Variants in AGAP1 observed in about 807,000 individuals in gnomAD.
The protein encoded by AGAP1 is ArfGAP with GTPase domain, ankyrin repeat and PH domain 1.
Under a neutral mutation model 105.3 loss-of-function variants are expected in AGAP1, and 29 were observed. That is an observed-to-expected ratio of 0.28 (90% CI 0.21 to 0.38). The LOEUF is 0.38. Among genes scored for constraint, AGAP1 ranks in the 10% least tolerant of loss-of-function variants. The pLI is 1.00. For missense variants in AGAP1, 998 were observed against 1,165.1 expected (o/e 0.86, Z 2.09); for synonymous variants, 509 against 485.9 (o/e 1.05, Z -0.63).
rs560583306 is a variant in AGAP1, at chr2:235,640,306, T to C, written c.164-68873T>C. ...TTTACCCTGCAGTTAAAAGAGAAAA[T>C]GATCTCTACTGGCTATATGGCCTCA... On this transcript the variant is annotated intron_variant, in intron 1 of 17. Transcript: ENST00000304032. 7.9e-5 allele frequency among the ~76,000 whole-genome samples: 12 copies of C among 152,332 alleles called. No individual in the cohort carries two copies. In the East Asian group the frequency reaches 9.7e-4, roughly 12 times the overall value.
rs1351564426 is a variant in AGAP1, at chr2:235,625,609, G to A, written c.164-83570G>A. 6.6e-6 allele frequency among the ~76,000 whole-genome samples: 1 copy of A among 152,160 alleles called. No homozygotes were observed. The highest frequency in any genetic ancestry group is 1.5e-5 in the Non-Finnish European group (1 of 68,022). ...TCAGCTTAAAAGGTGGGGTTAATAG[G>A]GAACAACATAAATGAGGGCAGGTGT... is the stretch of plus-strand genomic sequence containing the variant. On this transcript the variant is annotated intron_variant, in intron 1 of 17. Transcript: ENST00000304032. This position sits in a 1 kb window ranked among gnomAD's most constrained non-coding sequence, Gnocchi z 4.0.
intron 6 of AGAP1, among the ~76,000 whole-genome samples, chr2:235,785,683 A>G (rs1300549608): frequency 6.6e-6 from 1 of 152,160 alleles, no homozygotes; most frequent in East Asian, 1.9e-4. Context: ...TTTAGCTGGA[A>G]TAATTTGGCA....
chr2:235,704,901 C>G (rs1332052688), intron 1 of AGAP1, among the ~76,000 whole-genome samples: 1 of 151,058 alleles, frequency 6.6e-6, no homozygotes, highest in Non-Finnish European at 1.5e-5. Flanking sequence ...GAGCCCGGCA[C>G]CTGTCTAGTT....
At position 235,659,470 on chromosome 2, in the gene AGAP1, G is replaced by A. The variant is rs996903381; in HGVS notation, c.164-49709G>A. ...ACCTTTTTCAAAATTTCCAACAACT[G>A]TGGCTTCTTGGGAAATCCTTTGGCA... is the stretch of plus-strand genomic sequence containing the variant. On this transcript the variant is annotated intron_variant, in intron 1 of 17. Coordinates refer to ENST00000304032, the MANE Select transcript of AGAP1 (RefSeq NM_001037131.3). The surrounding 1 kb of genome is among the most constrained non-coding windows in gnomAD (Gnocchi z 5.0). Among the ~76,000 whole-genome samples, 1 of 152,194 alleles carries A rather than the reference G, an allele frequency of 6.6e-6. No homozygotes were observed. Among genetic ancestry groups the A allele is most frequent in the African/African-American group, 2.4e-5 (1 of 41,444 alleles).
Position 235,965,655 on chromosome 2 carries a change from A to T in AGAP1, c.1484-2807A>T, listed in dbSNP as rs141728768. ...TACCACGTGCCTCAGCGGATTGCTT[A>T]AGAGTCCTGAACGCATTGCTGAAGG... On this transcript the variant is annotated intron_variant, in intron 12 of 17. Coordinates refer to ENST00000304032, the MANE Select transcript of AGAP1 (RefSeq NM_001037131.3). This position sits in a 1 kb window ranked among gnomAD's most constrained non-coding sequence, Gnocchi z 5.8. Among the ~76,000 whole-genome samples, 1 of 152,150 alleles carries T rather than the reference A, an allele frequency of 6.6e-6. No homozygotes were observed.
At chr2:235,542,220 G>GC (rs145058571) in intron 1 of AGAP1, among the ~76,000 whole-genome samples, 7 of 151,524 alleles carry the variant, frequency 4.6e-5, no homozygotes, top group South Asian at 4.2e-4. Context: ...TGGGTCCCGG[G>GC]GGGGGGCCAG....
At chr2:235,731,257 T>C (rs958792785) in intron 3 of AGAP1, among the ~76,000 whole-genome samples, 20 of 152,354 alleles carry the variant, frequency 1.3e-4, no homozygotes, top group African/African-American at 4.8e-4. Context: ...ATTGTATCAT[T>C]GGCTGAGTAT....
At chr2:235,854,234 A>C (rs1365466857) in intron 9 of AGAP1, among the ~76,000 whole-genome samples, 1 of 152,184 alleles carries the variant, frequency 6.6e-6, no homozygotes, top group Non-Finnish European at 1.5e-5. Flanking sequence ...AACTCCTGTC[A>C]CAGCTGAGAA....
At chr2:235,590,149 G>A (rs1408104759) in intron 1 of AGAP1, among the ~76,000 whole-genome samples, 2 of 152,180 alleles carry the variant, frequency 1.3e-5, no homozygotes, top group Admixed American at 1.3e-4. Context: ...CCAAAGTGCT[G>A]GGATTCCAGG....
At chr2:236,043,739 G>C (rs1188222708) in intron 15 of AGAP1, among the ~76,000 whole-genome samples, 3 of 146,884 alleles carry the variant, frequency 2.0e-5, no homozygotes, top group Non-Finnish European at 3.0e-5. Context: ...AAAAAAAAGT[G>C]GGGGGGGTGC....
At chr2:235,508,651 C>T (rs972139191) in intron 1 of AGAP1, among the ~76,000 whole-genome samples, 15 of 152,154 alleles carry the variant, frequency 9.9e-5, no homozygotes, top group African/African-American at 3.4e-4. Context: ...GATTTCCAAA[C>T]GGCATGCCTT....
intron 1 of AGAP1, among the ~76,000 whole-genome samples, chr2:235,656,038 G>A (rs1190469475): frequency 2.6e-5 from 4 of 152,186 alleles, no homozygotes; most frequent in Admixed American, 6.5e-5. Context: ...GCAGTCCATC[G>A]CACGTTTCTT....
intron 11 of AGAP1, among the ~76,000 whole-genome samples, chr2:235,917,436 C>T (rs1266837697): frequency 6.6e-6 from 1 of 152,154 alleles, no homozygotes; most frequent in Non-Finnish European, 1.5e-5. Flanking sequence ...TTAATGTGAT[C>T]GGACTTGCTC....
At chr2:236,069,620 C>T (rs2058445194) in intron 16 of AGAP1, among the ~76,000 whole-genome samples, 1 of 152,074 alleles carries the variant, frequency 6.6e-6, no homozygotes, top group South Asian at 2.1e-4. Flanking sequence ...GACGGGGTTT[C>T]ACCATGTTGG....
At chr2:235,568,550 A>T (rs886542358) in intron 1 of AGAP1, among the ~76,000 whole-genome samples, 1 of 152,162 alleles carries the variant, frequency 6.6e-6, no homozygotes, top group Admixed American at 6.5e-5. Flanking sequence ...CCCAGACGGC[A>T]GGAAGGAGAA....
Position 235,699,425 on chromosome 2 carries a change from A to G in AGAP1, c.164-9754A>G, listed in dbSNP as rs190054871. Among the ~76,000 whole-genome samples, 38 of 152,240 alleles carry G rather than the reference A, an allele frequency of 2.5e-4. No homozygotes were observed. In the East Asian group the frequency reaches 6.4e-3, roughly 26 times the overall value. Reference sequence around the variant, plus strand: ...GGCTGACTTTATAACATTGGAGCTCACTATATACTAGAAGTTGAATTGTAC... The same window carrying G: ...GGCTGACTTTATAACATTGGAGCTCGCTATATACTAGAAGTTGAATTGTAC... On this transcript the variant is annotated intron_variant, in intron 1 of 17. Coordinates refer to ENST00000304032, the MANE Select transcript of AGAP1 (RefSeq NM_001037131.3).
intron 9 of AGAP1, among the ~76,000 whole-genome samples, chr2:235,863,594 C>T (rs1029465773): frequency 3.9e-5 from 6 of 152,170 alleles, no homozygotes; most frequent in East Asian, 1.9e-4. Context: ...AGGGGACAGA[C>T]GCTGGCTGGG....
chr2:235,891,256 A>C lies in AGAP1; in HGVS notation c.1155+7807A>C, dbSNP rs141580056. 1.7e-4 allele frequency among the ~76,000 whole-genome samples: 26 copies of C among 152,310 alleles called. No individual in the cohort carries two copies. Among genetic ancestry groups the C allele is most frequent in the African/African-American group, 6.3e-4 (26 of 41,564 alleles). On this transcript the variant is annotated intron_variant, in intron 10 of 17. Coordinates refer to ENST00000304032, the MANE Select transcript of AGAP1 (RefSeq NM_001037131.3). This position sits in a 1 kb window ranked among gnomAD's most constrained non-coding sequence, Gnocchi z 4.2. ...TGATAACCCTAAACATTTAAATAAG[A>C]CTGACACGGTCAAAGCAAGCACGCT...
In AGAP1 at chr2:235,555,256, A is replaced by G. The variant is rs1943937815; in HGVS notation, c.163+60407A>G. ...CCGCTCCCACCCACTTCTGTGATGCACAGAACCTGCCGCCCTGCCCTGTCT... is the reference window on the plus strand; with the variant it reads ...CCGCTCCCACCCACTTCTGTGATGCGCAGAACCTGCCGCCCTGCCCTGTCT... On this transcript the variant is annotated intron_variant, in intron 1 of 17. Transcript: ENST00000304032. The surrounding 1 kb of genome is among the most constrained non-coding windows in gnomAD (Gnocchi z 5.1). Among the ~76,000 whole-genome samples the G allele has an allele frequency of 6.6e-6, 1 of 152,104 alleles. No individual in the cohort carries two copies. The highest frequency in any genetic ancestry group is 2.4e-5 in the African/African-American group (1 of 41,430).
Sources: allele counts gnomAD v4.1 joint callset (sites outside exome capture counted in the v4.1 genomes callset), GRCh38; gene constraint gnomAD v4.1.1; non-coding constraint Gnocchi (gnomAD v3.1); transcripts MANE v1.5; gene names NCBI Gene and HGNC (gene_info 2026-07-23, HGNC 2026-07-21).